ENTREP1: variants seen among roughly 807,000 people sequenced by gnomAD.
The protein encoded by ENTREP1 is endosomal transmembrane epsin interactor 1.
the ENTREP1 span, among the ~76,000 whole-genome samples, chr9:69,353,903 A>G: frequency 6.6e-6 from 1 of 152,262 alleles, no homozygotes; most frequent in Non-Finnish European, 1.5e-5. Context: ...AATTTCAAAT[A>G]TACCCCGAAG....
chr9:69,326,879 A>G, the ENTREP1 span, among the ~76,000 whole-genome samples: 3 of 152,030 alleles, frequency 2.0e-5, no homozygotes, highest in Non-Finnish European at 4.4e-5. Flanking sequence ...TAACCTTTCT[A>G]TGAACTCACT....
chr9:69,361,757 G>T, the ENTREP1 span, among the ~76,000 whole-genome samples: 1 of 152,098 alleles, frequency 6.6e-6, no homozygotes, highest in Non-Finnish European at 1.5e-5. Context: ...TCATTCCAAA[G>T]AGTATCTGGT....
the ENTREP1 span, among the ~76,000 whole-genome samples, chr9:69,363,109 T>C: frequency 6.6e-6 from 1 of 152,198 alleles, no homozygotes; most frequent in African/African-American, 2.4e-5. Flanking sequence ...CCTTGAATAG[T>C]TGGATTTTGC....
At chr9:69,341,980 C>T in the ENTREP1 span, among the ~76,000 whole-genome samples, 1 of 152,076 alleles carries the variant, frequency 6.6e-6, no homozygotes. Flanking sequence ...AAGATTCCTT[C>T]CAGCTCTCAT....
the ENTREP1 span, among the ~76,000 whole-genome samples, chr9:69,350,258 T>A: frequency 6.6e-6 from 1 of 152,190 alleles, no homozygotes; most frequent in Non-Finnish European, 1.5e-5. Flanking sequence ...TTGCATATGG[T>A]GTGAGGCAGG....
chr9:69,374,675 A>G, the ENTREP1 span, among the ~76,000 whole-genome samples: 1 of 152,188 alleles, frequency 6.6e-6, no homozygotes, highest in Non-Finnish European at 1.5e-5. Context: ...ATTCAAATGT[A>G]CAGGCAGGAT....
the ENTREP1 span, among the ~76,000 whole-genome samples, chr9:69,376,908 G>A: frequency 6.6e-5 from 10 of 152,206 alleles, no homozygotes; most frequent in Admixed American, 6.5e-5. Flanking sequence ...TGTGCATGGG[G>A]CAGCACAGCC....
the ENTREP1 span, among the ~76,000 whole-genome samples, chr9:69,372,112 T>C: frequency 6.6e-6 from 1 of 152,178 alleles, no homozygotes; most frequent in East Asian, 1.9e-4. Context: ...TTTTCAGAGC[T>C]TTTTGGATTT....
At chr9:69,343,686 CAATT>C in the ENTREP1 span, among the ~76,000 whole-genome samples, 213 of 152,246 alleles carry the variant, frequency 1.4e-3, no homozygotes, top group African/African-American at 4.9e-3. Context: ...TTAATATAAA[CAATT>C]AAACATGAGA....
At chr9:69,346,008 G>A in the ENTREP1 span, among the ~76,000 whole-genome samples, 1 of 151,360 alleles carries the variant, frequency 6.6e-6, no homozygotes, top group Non-Finnish European at 1.5e-5. Flanking sequence ...TTGAGATGGA[G>A]TCTTGCTCTG....
the ENTREP1 span, among the ~76,000 whole-genome samples, chr9:69,340,693 G>GCA: frequency 1.3e-3 from 173 of 134,210 alleles, no homozygotes; most frequent in Non-Finnish European, 2.1e-3. Flanking sequence ...ATGTGTGTGT[G>GCA]TATGTGTGTG....
chr9:69,388,257 G>A, the ENTREP1 span: 30 of 1,614,030 alleles, frequency 1.9e-5, no homozygotes, highest in African/African-American at 6.7e-5. Flanking sequence ...AGAGCTTCGC[G>A]ATGCAGACCG....
the ENTREP1 span, among the ~76,000 whole-genome samples, chr9:69,342,038 T>A: frequency 2.3e-3 from 352 of 152,230 alleles, 3 homozygotes; most frequent in African/African-American, 7.3e-3. Context: ...GGTGTTTTAA[T>A]TTCAGATGGA....
the ENTREP1 span, among the ~76,000 whole-genome samples, chr9:69,391,335 TGA>T: frequency 1.3e-5 from 2 of 152,044 alleles, no homozygotes; most frequent in Admixed American, 1.3e-4. Flanking sequence ...AGAAAAGCAA[TGA>T]GAAGAATGTT....
chr9:69,370,286 G>T, the ENTREP1 span, among the ~76,000 whole-genome samples: 1 of 152,194 alleles, frequency 6.6e-6, no homozygotes, highest in Admixed American at 6.5e-5. Context: ...ATCTCTTTGA[G>T]TAGCAACTGC....
chr9:69,367,872 A>AT, the ENTREP1 span, among the ~76,000 whole-genome samples: 1 of 77,706 alleles, frequency 1.3e-5, no homozygotes, highest in Non-Finnish European at 2.4e-5. Context: ...CATATATATA[A>AT]ATATATATAT....
At chr9:69,383,769 G>C in the ENTREP1 span, 1 of 1,614,138 alleles carries the variant, frequency 6.2e-7, no homozygotes, top group Non-Finnish European at 8.5e-7. Flanking sequence ...GGTACTGTCT[G>C]TCCTGAATCT....
chr9:69,386,264 C>T, the ENTREP1 span: 1 of 198,142 alleles, frequency 5.0e-6, no homozygotes, highest in Non-Finnish European at 1.0e-5. Flanking sequence ...CTAGATGCTG[C>T]AATCCTATAG....
chr9:69,355,081 G>T, the ENTREP1 span, among the ~76,000 whole-genome samples: 1 of 152,114 alleles, frequency 6.6e-6, no homozygotes. Flanking sequence ...GTTCACTTAT[G>T]GCATTTCATT....
Sources: gnomAD v4.1 joint callset for allele counts (sites outside exome capture counted in the v4.1 genomes callset) on GRCh38, gnomAD v4.1.1 for gene constraint, MANE v1.5 for transcripts, NCBI Gene and HGNC (gene_info 2026-07-23, HGNC 2026-07-21) for gene names.